Variants in SYNE1 observed in about 807,000 individuals in gnomAD.
SYNE1 encodes the protein nesprin-1.
In SYNE1, 616 loss-of-function variants were observed where a neutral mutation model predicts 1,111.0. The ratio of observed to expected loss-of-function variants is 0.55; its 90% CI spans 0.52 to 0.59. SYNE1 has a LOEUF of 0.59. Ranked by LOEUF, SYNE1 falls within the 20% of genes least tolerant of loss-of-function variation. The probability of loss-of-function intolerance (pLI) is 0.00; values close to 1 mark genes in which losing one functional copy is unlikely to be tolerated. For missense variants in SYNE1, 10,006 were observed against 10,417.0 expected, an observed-to-expected ratio of 0.96 and a Z score of 1.72; for synonymous variants, 3,855 against 3,825.8, an observed-to-expected ratio of 1.01 and a Z score of -0.28.
At chr6:152,509,413 C>T (rs758481866) in intron 8 of SYNE1, among the ~76,000 whole-genome samples, 6 of 151,814 alleles carry the variant, frequency 4.0e-5, no homozygotes, top group East Asian at 3.9e-4. Context: ...CGCGCCACCA[C>T]GCCCAGCTAA....
At position 152,208,093 on chromosome 6, in the gene SYNE1, T is replaced by C; in HGVS notation, c.22703A>G (p.Tyr7568Cys). 6.2e-7 allele frequency: 1 copy of C among 1,614,094 alleles called. No homozygotes were observed. Among genetic ancestry groups the C allele is most frequent in the Non-Finnish European group, 8.5e-7 (1 of 1,180,004 alleles). Residue 7568 changes from tyrosine to cysteine, a missense_variant, in exon 125 of 146, where the codon TAT becomes TGT. Around this residue, in one of 7 missense-constraint regions of SYNE1, gnomAD observed 2,182 missense variants for 2,287.8 expected, o/e 0.95. Coordinates refer to ENST00000367255, the MANE Select transcript of SYNE1 (RefSeq NM_182961.4). ...IDSQIRQWQR[Y>C]REMAEKLRKW... ...ACGAAGCTTTTCTGCCATCTCCCTA[T>C]AGCGCTGCCACTGGCGAATCTGGCT... is the stretch of plus-strand genomic sequence containing the variant.
At chr6:152,508,885 C>T (rs891296630) in intron 8 of SYNE1, among the ~76,000 whole-genome samples, 1 of 152,192 alleles carries the variant, frequency 6.6e-6, no homozygotes, top group African/African-American at 2.4e-5. Flanking sequence ...AACAAAACAA[C>T]ATAAACTAGC....
In SYNE1 at chr6:152,326,002, T is replaced by G. The variant is rs2096058896; in HGVS notation, c.15394A>C (p.Thr5132Pro). 1.9e-6 allele frequency: 3 copies of G among 1,614,064 alleles called. No homozygotes were observed. The highest frequency in any genetic ancestry group is 1.1e-5 in the South Asian group (1 of 91,090). ...TCTTCCGCTTCATGACTAGACGAAG[T>G]CTTCAACAAAGAAAACTCAGACAAT... ...KKLSEFSLLKTSSSHEAEEKL... is the reference protein window; with the variant it reads ...KKLSEFSLLKPSSSHEAEEKL... Residue 5132 changes from threonine to proline, a missense_variant, in exon 80 of 146, where the codon ACT becomes CCT. Thr to Pro is a conservative substitution (Grantham distance 38). Transcript: ENST00000367255.
At chr6:152,275,874 CT>C (rs2093584487) in intron 98 of SYNE1, among the ~76,000 whole-genome samples, 1 of 147,068 alleles carries the variant, frequency 6.8e-6, no homozygotes, top group Non-Finnish European at 1.5e-5. Context: ...GAGCAAGACC[CT>C]GTCTCAAAAA....
intron 30 of SYNE1, among the ~76,000 whole-genome samples, chr6:152,442,464 T>C (rs1171557963): frequency 3.9e-5 from 6 of 152,242 alleles, no homozygotes; most frequent in Non-Finnish European, 4.4e-5. Context: ...ACATAAATAA[T>C]TTGGCTTTCG....
chr6:152,229,936 T>A lies in SYNE1; in HGVS notation c.21195+611A>T, dbSNP rs191847355. Among the ~76,000 whole-genome samples, 515 of 152,232 alleles carry A rather than the reference T, an allele frequency of 3.4e-3. 3 individuals are homozygous for A. The highest frequency in any genetic ancestry group is 0.012 in the African/African-American group (493 of 41,544). On this transcript the variant is annotated intron_variant, in intron 115 of 145. Transcript: ENST00000367255. ...TAATAATATGGATGCATTAAGAAAA[T>A]GTCTATTTTTCAAAGATATATATTG...
At chr6:152,150,952 C>T (rs1047632497) in intron 135 of SYNE1, among the ~76,000 whole-genome samples, 1 of 152,186 alleles carries the variant, frequency 6.6e-6, no homozygotes, top group Non-Finnish European at 1.5e-5. Context: ...TGGCTCACAC[C>T]TGTAATCCCA....
intron 3 of SYNE1, among the ~76,000 whole-genome samples, chr6:152,564,739 G>T (rs1185663966): frequency 6.6e-6 from 1 of 152,132 alleles, no homozygotes; most frequent in Non-Finnish European, 1.5e-5. Context: ...GAGGCCAAAA[G>T]AAATATGAAT....
chr6:152,307,670 A>T (rs756830704), intron 91 of SYNE1, among the ~76,000 whole-genome samples: 5 of 152,218 alleles, frequency 3.3e-5, no homozygotes, highest in Non-Finnish European at 5.9e-5. Context: ...TAAGGTCATA[A>T]TGATGCCAAA....
chr6:152,488,996 G>T (rs1314123421), intron 11 of SYNE1, among the ~76,000 whole-genome samples: 1 of 152,140 alleles, frequency 6.6e-6, no homozygotes. Flanking sequence ...CATGTGGACA[G>T]AAAACACATT....
chr6:152,320,447 G>A (rs908095642), intron 84 of SYNE1, among the ~76,000 whole-genome samples: 5 of 152,090 alleles, frequency 3.3e-5, no homozygotes, highest in Non-Finnish European at 7.4e-5. Context: ...ATTGTAGTAT[G>A]TCTTCTCTTT....
intron 81 of SYNE1, 143 bp downstream of exon 81, chr6:152,324,941 A>T (rs1414997982): frequency 1.0e-6 from 1 of 968,088 alleles, no homozygotes; most frequent in Admixed American, 2.1e-5. Flanking sequence ...TTCATAACTT[A>T]ATTTTTATGT....
rs1031192045 is a variant in SYNE1 at position 152,417,124 on chromosome 6, A to G, written c.5422-109T>C. The G allele has an allele frequency of 3.3e-6, 5 of 1,494,334 alleles. No homozygotes were observed. The African/African-American group carries it at 4.1e-5, about 12-fold the overall frequency. The allele number at this position is 1,494,334 out of a possible 1,614,324, so 92.6% of individuals were successfully genotyped here. On this transcript the variant is annotated intron_variant, in intron 40 of 145. Transcript: ENST00000367255. ...ATCTATTTTAGGTGCCATGGATAGT[A>G]TAGTACTTAAAGGTCATCTACAGTG...
chr6:152,593,840 C>T (rs1057513449), intron 3 of SYNE1, among the ~76,000 whole-genome samples: 2 of 151,988 alleles, frequency 1.3e-5, no homozygotes, highest in African/African-American at 4.8e-5. Context: ...TTGTGAAAAT[C>T]GTATGAGATC....
intron 107 of SYNE1, 85 bp from the exon 108 acceptor site, chr6:152,239,791 G>A: frequency 7.0e-7 from 1 of 1,435,872 alleles, no homozygotes. Flanking sequence ...GGGTGCGGTG[G>A]CTCACGCCTG....
rs1057523204 is a variant in SYNE1, at chr6:152,283,999, C to G, written c.18186G>C (p.Ser6062=). 3.7e-6 allele frequency: 6 copies of G among 1,614,064 alleles called. No individual in the cohort carries two copies. The Admixed American group carries it at 6.7e-5, about 18-fold the overall frequency. ...ERMSTIRMKA[S]GKRQLLEEKL... ...TTACCTCCAAAAGCTGCCGTTTCCC[C>G]GAGGCTTTCATCCTGATGGTGGACA... The change falls in exon 96 of 146, where the codon TCG becomes TCC. Residue 6062 remains serine (S), a synonymous_variant. Coordinates refer to ENST00000367255, the MANE Select transcript of SYNE1 (RefSeq NM_182961.4).
intron 130 of SYNE1, among the ~76,000 whole-genome samples, chr6:152,173,190 CT>C (rs2065624487): frequency 8.8e-6 from 1 of 113,886 alleles, no homozygotes; most frequent in African/African-American, 4.7e-5. Context: ...GTAATCTAAA[CT>C]AATCTGATGG....
intron 42 of SYNE1, among the ~76,000 whole-genome samples, chr6:152,412,616 TTTTAGGTGG>T (rs1180174238): frequency 6.6e-6 from 1 of 152,184 alleles, no homozygotes; most frequent in Non-Finnish European, 1.5e-5. Flanking sequence ...TAAGGCCATT[TTTTAGGTGG>T]TAGAACTTTC....
Position 152,353,269 on chromosome 6 carries a change from C to T in SYNE1, c.11247G>A (p.Thr3749=), listed in dbSNP as rs138882800. The part of the protein sequence containing the change: ...DTVMMGKKLK[T]LEVLLKDMEK... ...CTGAAGTATGCGTGCCTACCTCCAA[C>T]GTCTTCAATTTCTTCCCCATCATTA... The change falls in exon 69 of 146, where the codon ACG becomes ACA. Residue 3749 remains threonine (T), a synonymous_variant. Transcript: ENST00000367255. The T allele has an allele frequency of 5.8e-5, 94 of 1,614,148 alleles. 1 individual carries two copies. Among genetic ancestry groups the T allele is most frequent in the Non-Finnish European group, 7.5e-5 (88 of 1,180,032 alleles).
Sources: allele counts gnomAD v4.1 joint callset (sites outside exome capture counted in the v4.1 genomes callset), GRCh38; gene constraint gnomAD v4.1.1; regional missense constraint gnomAD v4.1.1; transcripts MANE v1.5; gene names NCBI Gene and HGNC (gene_info 2026-07-23, HGNC 2026-07-21).